The following NELL1 variants were observed in gnomAD, a reference collection of about 807,000 sequenced individuals.
NELL1 encodes the protein protein kinase C-binding protein NELL1.
Under a neutral mutation model 107.4 loss-of-function variants are expected in NELL1, and 76 were observed. The observed-to-expected ratio is 0.71, with a 90% CI of 0.59 to 0.86. NELL1 has a LOEUF of 0.86. Among genes scored for constraint, NELL1 ranks in the 40% least tolerant of loss-of-function variants. The probability of loss-of-function intolerance (pLI) is 0.00; values close to 1 mark genes in which losing one functional copy is unlikely to be tolerated. For synonymous variants in NELL1, 353 were observed against 341.2 expected (o/e 1.03, Z -0.38); for missense variants, 1,024 against 1,005.5 (o/e 1.02, Z -0.25).
intron 13 of NELL1, among the ~76,000 whole-genome samples, chr11:21,199,715 G>C (rs1392170563): frequency 6.6e-6 from 1 of 151,972 alleles, no homozygotes; most frequent in African/African-American, 2.4e-5. Flanking sequence ...TGTTACATAG[G>C]TATACATGTG....
intron 15 of NELL1, among the ~76,000 whole-genome samples, chr11:21,461,874 A>G (rs1337261557): frequency 6.6e-6 from 1 of 152,098 alleles, no homozygotes; most frequent in Non-Finnish European, 1.5e-5. Flanking sequence ...CCTGGAAACT[A>G]CAAAACAGCC....
At chr11:21,154,097 G>C (rs938171157) in intron 13 of NELL1, among the ~76,000 whole-genome samples, 1 of 152,206 alleles carries the variant, frequency 6.6e-6, no homozygotes, top group Non-Finnish European at 1.5e-5. Context: ...CAAGAAACAG[G>C]CCTGGTGGCT....
At chr11:20,926,198 C>T (rs565828451) in intron 7 of NELL1, among the ~76,000 whole-genome samples, 8 of 152,132 alleles carry the variant, frequency 5.3e-5, no homozygotes, top group African/African-American at 1.4e-4. Context: ...GTTACTCTTT[C>T]GTGTGGATGT....
intron 14 of NELL1, among the ~76,000 whole-genome samples, chr11:21,348,890 A>G (rs1850741770): frequency 6.6e-6 from 1 of 152,206 alleles, no homozygotes; most frequent in Admixed American, 6.5e-5. Context: ...GAAAACATTA[A>G]GAGAAACTTT....
intron 3 of NELL1, among the ~76,000 whole-genome samples, chr11:20,816,068 A>T (rs960028661): frequency 6.6e-6 from 1 of 152,168 alleles, no homozygotes; most frequent in African/African-American, 2.4e-5. Context: ...CTTATAGCAT[A>T]GTTTGAAATC....
intron 2 of NELL1, among the ~76,000 whole-genome samples, chr11:20,745,650 A>G (rs2133938841): frequency 6.6e-6 from 1 of 152,304 alleles, no homozygotes; most frequent in Admixed American, 6.5e-5. Context: ...GCACCTTGAA[A>G]TGGGATGCCA....
chr11:21,254,890 G>C (rs573490673), intron 14 of NELL1, among the ~76,000 whole-genome samples: 1 of 152,236 alleles, frequency 6.6e-6, no homozygotes, highest in East Asian at 1.9e-4. Context: ...GAGCAGCTGA[G>C]CAAGCCCCAC....
intron 15 of NELL1, among the ~76,000 whole-genome samples, chr11:21,515,979 A>G (rs572635879): frequency 6.6e-6 from 1 of 152,208 alleles, no homozygotes; most frequent in East Asian, 1.9e-4. Flanking sequence ...TCTCCTGGAG[A>G]CATACTTGTT....
At chr11:21,156,037 T>C (rs1349380514) in intron 13 of NELL1, among the ~76,000 whole-genome samples, 1 of 152,020 alleles carries the variant, frequency 6.6e-6, no homozygotes, top group Admixed American at 6.6e-5. Context: ...GGTATCCCAA[T>C]GAGATGGAAG....
intron 15 of NELL1, among the ~76,000 whole-genome samples, chr11:21,446,237 C>T (rs1387318522): frequency 4.6e-5 from 7 of 152,032 alleles, no homozygotes; most frequent in African/African-American, 1.7e-4. Context: ...ATTCTGAATA[C>T]TTTCTCTGTG....
intron 15 of NELL1, among the ~76,000 whole-genome samples, chr11:21,491,439 A>G (rs186998574): frequency 6.6e-6 from 1 of 152,202 alleles, no homozygotes; most frequent in Admixed American, 6.5e-5. Context: ...TCCCAGCACC[A>G]TTTATTAAAT....
At chr11:20,798,092 G>A (rs934561030) in intron 3 of NELL1, among the ~76,000 whole-genome samples, 1 of 152,090 alleles carries the variant, frequency 6.6e-6, no homozygotes, top group Non-Finnish European at 1.5e-5. Flanking sequence ...TCAAGGAAAC[G>A]TTTAAAGGAT....
intron 7 of NELL1, among the ~76,000 whole-genome samples, chr11:20,924,865 G>T (rs1850456986): frequency 6.6e-6 from 1 of 152,140 alleles, no homozygotes; most frequent in African/African-American, 2.4e-5. Context: ...TCTTTCTATT[G>T]AGGTTCCACA....
chr11:20,813,259 C>T (rs1038294067), intron 3 of NELL1, among the ~76,000 whole-genome samples: 12 of 152,116 alleles, frequency 7.9e-5, no homozygotes, highest in Non-Finnish European at 1.8e-4. Flanking sequence ...TTTAGGCTGA[C>T]GTTAGAGATA....
chr11:20,770,084 C>G (rs1035968611), intron 2 of NELL1, among the ~76,000 whole-genome samples: 1 of 152,102 alleles, frequency 6.6e-6, no homozygotes, highest in Non-Finnish European at 1.5e-5. Context: ...CAACAATGAT[C>G]AAAGACCAAT....
At chr11:21,134,336 A>C (rs1249107582) in intron 13 of NELL1, among the ~76,000 whole-genome samples, 1 of 152,118 alleles carries the variant, frequency 6.6e-6, no homozygotes, top group Non-Finnish European at 1.5e-5. Context: ...TGTTGGGACT[A>C]TAAGGATAGG....
At chr11:21,248,733 A>G (rs1018549946) in intron 14 of NELL1, among the ~76,000 whole-genome samples, 1 of 152,214 alleles carries the variant, frequency 6.6e-6, no homozygotes, top group African/African-American at 2.4e-5. Context: ...CTTTCAGTCC[A>G]TATGGATTTA....
At chr11:21,429,948 CTAAATATCTTA>C (rs1408496136) in intron 15 of NELL1, among the ~76,000 whole-genome samples, 2 of 152,142 alleles carry the variant, frequency 1.3e-5, no homozygotes. Flanking sequence ...AGAATAGCCT[CTAAATATCTTA>C]GAGGGTTGTG....
chr11:21,150,524 G>A (rs1856090500), intron 13 of NELL1, among the ~76,000 whole-genome samples: 1 of 152,146 alleles, frequency 6.6e-6, no homozygotes. Flanking sequence ...AGGCAGTGGG[G>A]GTGGGTGAGC....
Sources: allele counts gnomAD v4.1 joint callset (sites outside exome capture counted in the v4.1 genomes callset), GRCh38; gene constraint gnomAD v4.1.1; transcripts MANE v1.5; gene names NCBI Gene and HGNC (gene_info 2026-07-23, HGNC 2026-07-21).